The following ZFPM2 variants were observed in gnomAD, a reference collection of about 807,000 sequenced individuals.
ZFPM2 encodes zinc finger protein, FOG family member 2, also known as zinc finger protein ZFPM2.
ZFPM2 carries 20 observed loss-of-function variants against 98.6 expected under a neutral mutation model. The ratio of observed to expected loss-of-function variants is 0.20; its 90% CI spans 0.14 to 0.29. The LOEUF is 0.29. Ranked by LOEUF, ZFPM2 falls within the 10% of genes least tolerant of loss-of-function variation. The pLI, the probability that ZFPM2 is intolerant of heterozygous loss-of-function variation, is 1.00. For synonymous variants in ZFPM2, 518 were observed against 502.7 expected, an observed-to-expected ratio of 1.03 and a Z score of -0.41; for missense variants, 1,310 against 1,388.6, an observed-to-expected ratio of 0.94 and a Z score of 0.90.
chr8:105,559,935 C>T (rs1815093182), intron 3 of ZFPM2, among the ~76,000 whole-genome samples: 1 of 152,122 alleles, frequency 6.6e-6, no homozygotes, highest in Admixed American at 6.5e-5. Flanking sequence ...AGGCCAGGCG[C>T]GGTGGCTCAC....
chr8:105,401,040 T>A (rs752436365), intron 1 of ZFPM2, among the ~76,000 whole-genome samples: 1 of 152,036 alleles, frequency 6.6e-6, no homozygotes, highest in Non-Finnish European at 1.5e-5. Context: ...ATTATTGGTA[T>A]CTTGATAATA....
chr8:105,667,209 G>A (rs1455923905), intron 5 of ZFPM2, among the ~76,000 whole-genome samples: 3 of 152,112 alleles, frequency 2.0e-5, no homozygotes, highest in Non-Finnish European at 4.4e-5. Context: ...GCAAAAATTA[G>A]AATTTTTGAA....
At chr8:105,447,497 C>T (rs1440816205) in intron 3 of ZFPM2, among the ~76,000 whole-genome samples, 2 of 152,004 alleles carry the variant, frequency 1.3e-5, no homozygotes, top group Non-Finnish European at 2.9e-5. Flanking sequence ...TTCTAATGCC[C>T]ACTAGTATAT....
chr8:105,670,932 CA>C (rs1442235679), intron 5 of ZFPM2, among the ~76,000 whole-genome samples: 4 of 152,092 alleles, frequency 2.6e-5, no homozygotes, highest in African/African-American at 7.2e-5. Context: ...TAGTAAAAGT[CA>C]TTTTTTTAAT....
At chr8:105,377,293 T>G (rs1810746480) in intron 1 of ZFPM2, among the ~76,000 whole-genome samples, 1 of 152,164 alleles carries the variant, frequency 6.6e-6, no homozygotes, top group African/African-American at 2.4e-5. Flanking sequence ...ATATTTTGCT[T>G]AGTTTGTTTA....
At chr8:105,601,768 T>A (rs935299773) in intron 4 of ZFPM2, among the ~76,000 whole-genome samples, 1 of 152,042 alleles carries the variant, frequency 6.6e-6, no homozygotes, top group African/African-American at 2.4e-5. Context: ...CTCTATTTCA[T>A]GGGGGCACGG....
chr8:105,330,611 C>CATATATATATAT (rs1431850180), intron 1 of ZFPM2, among the ~76,000 whole-genome samples: 25 of 76,142 alleles, frequency 3.3e-4, no homozygotes, highest in African/African-American at 1.5e-3. Flanking sequence ...TATATATATA[C>CATATATATATAT]ACATATATAT....
intron 5 of ZFPM2, among the ~76,000 whole-genome samples, chr8:105,650,544 T>C (rs879763954): frequency 5.9e-5 from 9 of 152,234 alleles, no homozygotes; most frequent in African/African-American, 9.6e-5. Context: ...ACACACTGCT[T>C]TAAACGTGTC....
intron 4 of ZFPM2, among the ~76,000 whole-genome samples, chr8:105,577,864 T>C (rs1190645982): frequency 6.6e-6 from 1 of 152,030 alleles, no homozygotes; most frequent in Admixed American, 6.6e-5. Context: ...TTTATTTCAC[T>C]ATTGTGCATT....
At chr8:105,407,802 C>T (rs1027003269) in intron 1 of ZFPM2, among the ~76,000 whole-genome samples, 4 of 151,850 alleles carry the variant, frequency 2.6e-5, no homozygotes, top group African/African-American at 9.7e-5. Context: ...TTGACTCTTA[C>T]AGTTTAAGGG....
intron 1 of ZFPM2, among the ~76,000 whole-genome samples, chr8:105,378,404 C>T (rs185363258): frequency 1.3e-5 from 2 of 152,298 alleles, no homozygotes; most frequent in Admixed American, 1.3e-4. Flanking sequence ...TCTGAACTCT[C>T]AGAAGGTTTT....
intron 4 of ZFPM2, among the ~76,000 whole-genome samples, chr8:105,587,100 C>T (rs1815736776): frequency 6.6e-6 from 1 of 151,142 alleles, no homozygotes; most frequent in African/African-American, 2.4e-5. Flanking sequence ...CACGGTGAAA[C>T]CCCGTCTCTA....
At chr8:105,381,283 C>T (rs932947664) in intron 1 of ZFPM2, among the ~76,000 whole-genome samples, 1 of 151,744 alleles carries the variant, frequency 6.6e-6, no homozygotes, top group African/African-American at 2.4e-5. Context: ...TGAACTCATC[C>T]TTTTTTCTGG....
intron 4 of ZFPM2, among the ~76,000 whole-genome samples, chr8:105,574,229 A>G (rs1815414991): frequency 6.6e-6 from 1 of 152,216 alleles, no homozygotes; most frequent in Non-Finnish European, 1.5e-5. Flanking sequence ...GCTGGCATGA[A>G]TATTCTGAGA....
At position 105,801,788 on chromosome 8, in the gene ZFPM2, A is replaced by G; in HGVS notation, c.1706A>G (p.His569Arg). 1 of 1,613,964 alleles carries G rather than the reference A, an allele frequency of 6.2e-7. No homozygotes were observed. Among genetic ancestry groups the G allele is most frequent in the Non-Finnish European group, 8.5e-7 (1 of 1,179,866 alleles). ...GATAATTATCTAGTGCACAAAAAGC[A>G]TTATTGCAGCAGCCGATGGCAGCAG... ...NLDNYLVHKKHYCSSRWQQMA... is the reference protein window; with the variant it reads ...NLDNYLVHKKRYCSSRWQQMA... Residue 569 changes from histidine to arginine, a missense_variant, in exon 8 of 8, where the codon CAT becomes CGT. His to Arg is a conservative substitution (Grantham distance 29, BLOSUM62 0). Transcript: ENST00000407775.
chr8:105,436,372 G>A (rs1812118964), intron 2 of ZFPM2, among the ~76,000 whole-genome samples: 1 of 151,874 alleles, frequency 6.6e-6, no homozygotes, highest in Admixed American at 6.6e-5. Context: ...ATACAAAGTT[G>A]ACTGGGTGTG....
At chr8:105,574,831 C>T (rs1210494558) in intron 4 of ZFPM2, among the ~76,000 whole-genome samples, 3 of 151,064 alleles carry the variant, frequency 2.0e-5, no homozygotes, top group Non-Finnish European at 2.9e-5. Context: ...GCCACTGCTG[C>T]CCAGGCACAC....
intron 1 of ZFPM2, among the ~76,000 whole-genome samples, chr8:105,398,629 T>C (rs1457193738): frequency 1.3e-5 from 2 of 152,060 alleles, no homozygotes; most frequent in Non-Finnish European, 2.9e-5. Flanking sequence ...ATCCCTCACA[T>C]GCACAGTTCA....
chr8:105,382,449 A>G (rs1033944999), intron 1 of ZFPM2, among the ~76,000 whole-genome samples: 5 of 152,236 alleles, frequency 3.3e-5, no homozygotes, highest in African/African-American at 1.2e-4. Flanking sequence ...TTTATTAAAC[A>G]CTTTTGTCAA....
Sources: gnomAD v4.1 joint callset for allele counts (sites outside exome capture counted in the v4.1 genomes callset) on GRCh38, gnomAD v4.1.1 for gene constraint, MANE v1.5 for transcripts, NCBI Gene and HGNC (gene_info 2026-07-23, HGNC 2026-07-21) for gene names.